Variants in PSTPIP2 observed in about 807,000 individuals in gnomAD.
PSTPIP2 encodes proline-serine-threonine phosphatase-interacting protein 2.
PSTPIP2 carries 33 observed loss-of-function variants against 63.3 expected under a neutral mutation model. The ratio of observed to expected loss-of-function variants is 0.52; its 90% CI spans 0.40 to 0.70. The LOEUF (loss-of-function observed/expected upper bound fraction) is 0.70, where lower values mean the gene tolerates loss of function less well. PSTPIP2 is among the 30% of genes least tolerant of loss of function. The pLI is 0.00. For missense variants in PSTPIP2, 312 were observed against 400.7 expected, an observed-to-expected ratio of 0.78 and a Z score of 1.89; for synonymous variants, 125 against 132.7, an observed-to-expected ratio of 0.94 and a Z score of 0.40.
At chr18:45,999,013 A>G (rs916602370) in intron 7 of PSTPIP2, among the ~76,000 whole-genome samples, 174 bp from the exon 8 acceptor site, 3 of 152,172 alleles carry the variant, frequency 2.0e-5, no homozygotes, top group African/African-American at 4.8e-5. Context: ...AATCTTATCA[A>G]TCTTGGAAAA....
At chr18:46,040,147 G>A (rs540497503) in intron 1 of PSTPIP2, 100 bp from the exon 2 acceptor site, 14 of 958,008 alleles carry the variant, frequency 1.5e-5, no homozygotes, top group Middle Eastern at 2.6e-4. Context: ...GCCACGGAAC[G>A]TTGCTGACTC....
intron 1 of PSTPIP2, among the ~76,000 whole-genome samples, chr18:46,068,800 A>T (rs1171488681): frequency 6.6e-6 from 1 of 152,176 alleles, no homozygotes; most frequent in Non-Finnish European, 1.5e-5. Context: ...ATACCAAGAG[A>T]TGACTGTATA....
intron 4 of PSTPIP2, among the ~76,000 whole-genome samples, chr18:46,012,738 A>C (rs1459273467): frequency 6.6e-6 from 1 of 152,242 alleles, no homozygotes; most frequent in African/African-American, 2.4e-5. Flanking sequence ...GTGCCACTGC[A>C]CTTCAGCCTG....
intron 13 of PSTPIP2, 107 bp from the exon 14 acceptor site, chr18:45,988,866 T>C: frequency 1.1e-6 from 1 of 910,080 alleles, no homozygotes; most frequent in Non-Finnish European, 1.8e-6. Flanking sequence ...GTGTCTATCC[T>C]TTTGTAAAGA....
At chr18:46,064,292 T>C (rs1172380587) in intron 1 of PSTPIP2, among the ~76,000 whole-genome samples, 18 of 120,502 alleles carry the variant, frequency 1.5e-4, no homozygotes, top group Non-Finnish European at 1.1e-4. Context: ...CTTTTTTTTT[T>C]TTTTTTTTTT....
intron 1 of PSTPIP2, among the ~76,000 whole-genome samples, chr18:46,062,700 A>T (rs1245781303): frequency 6.6e-6 from 1 of 152,018 alleles, no homozygotes; most frequent in Admixed American, 6.6e-5. Context: ...TACTTTTAGT[A>T]GAGACGGGGT....
chr18:46,005,597 T>A (rs768524312), intron 5 of PSTPIP2, 66 bp from the exon 6 acceptor site: 51 of 1,182,084 alleles, frequency 4.3e-5, no homozygotes, highest in Non-Finnish European at 3.1e-5. Flanking sequence ...CAGAAATCAT[T>A]ATCAATACCA....
chr18:46,056,032 T>C (rs907950771), intron 1 of PSTPIP2, among the ~76,000 whole-genome samples: 1 of 152,292 alleles, frequency 6.6e-6, no homozygotes, highest in Admixed American at 6.5e-5. Context: ...TAGGACAGCT[T>C]CTATAGGAGC....
chr18:45,992,328 T>G, intron 10 of PSTPIP2, 126 bp from the exon 11 acceptor site: 1 of 767,894 alleles, frequency 1.3e-6, no homozygotes, highest in Non-Finnish European at 2.2e-6. Flanking sequence ...TTTGGGAGGT[T>G]GGGGTGGGCG....
chr18:46,038,493 G>C (rs966190409), intron 2 of PSTPIP2, among the ~76,000 whole-genome samples: 36 of 152,152 alleles, frequency 2.4e-4, no homozygotes, highest in African/African-American at 8.2e-4. Context: ...AGCCATAACT[G>C]GGGGAGGAAC....
chr18:45,994,909 T>C (rs2051577785), intron 9 of PSTPIP2, among the ~76,000 whole-genome samples: 1 of 152,318 alleles, frequency 6.6e-6, no homozygotes, highest in Middle Eastern at 3.4e-3. Flanking sequence ...AATACCTATA[T>C]ACCAACTACC....
At chr18:46,025,458 A>G (rs936112007) in intron 2 of PSTPIP2, among the ~76,000 whole-genome samples, 1 of 152,194 alleles carries the variant, frequency 6.6e-6, no homozygotes, top group African/African-American at 2.4e-5. Flanking sequence ...TTAGCTTTCC[A>G]GTCCCTTTTC....
intron 4 of PSTPIP2, among the ~76,000 whole-genome samples, 189 bp downstream of exon 4, chr18:46,015,714 T>A (rs1004206760): frequency 4.6e-5 from 7 of 152,160 alleles, no homozygotes; most frequent in African/African-American, 1.7e-4. Flanking sequence ...CAAACACACA[T>A]CATGATGTGC....
intron 2 of PSTPIP2, chr18:46,028,418 G>T: frequency 3.7e-6 from 2 of 538,898 alleles, no homozygotes; most frequent in Non-Finnish European, 7.3e-6. Flanking sequence ...GAGGAGAGAC[G>T]GCTCCGGCAG....
chr18:46,066,643 A>T (rs1031077072), intron 1 of PSTPIP2, among the ~76,000 whole-genome samples: 1 of 152,148 alleles, frequency 6.6e-6, no homozygotes, highest in Admixed American at 6.5e-5. Flanking sequence ...CCCCTTCTTG[A>T]GTATAGGGCT....
rs569202491 is a variant in PSTPIP2, at chr18:46,043,628, T to C, written c.34-3581A>G. ...ACGATGTCTGCTCTCACTACTTCTATTCAACACACTGAATGTCCTAGCCAG... is the reference window on the plus strand; with the variant it reads ...ACGATGTCTGCTCTCACTACTTCTACTCAACACACTGAATGTCCTAGCCAG... On this transcript the variant is annotated intron_variant, in intron 1 of 14. Coordinates refer to ENST00000409746, the MANE Select transcript of PSTPIP2 (RefSeq NM_024430.4). 3.3e-5 allele frequency among the ~76,000 whole-genome samples: 5 copies of C among 152,282 alleles called. No individual in the cohort carries two copies. The South Asian group carries it at 8.3e-4, about 25-fold the overall frequency.
intron 5 of PSTPIP2, among the ~76,000 whole-genome samples, chr18:46,008,051 G>A (rs1006184157): frequency 2.6e-5 from 4 of 152,202 alleles, no homozygotes; most frequent in African/African-American, 9.6e-5. Flanking sequence ...TGCCCTTTCA[G>A]AGCTCCTCAG....
At chr18:46,041,171 C>T in intron 1 of PSTPIP2, 1 of 414,238 alleles carries the variant, frequency 2.4e-6, no homozygotes, top group African/African-American at 2.1e-5. Flanking sequence ...GCTGTCTGTC[C>T]ACTGGGAAGC....
chr18:45,992,246 CA>C, intron 10 of PSTPIP2, 44 bp from the exon 11 acceptor site: 1 of 1,458,440 alleles, frequency 6.9e-7, no homozygotes, highest in Non-Finnish European at 9.4e-7. Flanking sequence ...ATGTTGAGAT[CA>C]TTGTGACACA....
Sources: gnomAD v4.1 joint callset for allele counts (sites outside exome capture counted in the v4.1 genomes callset) on GRCh38, gnomAD v4.1.1 for gene constraint, MANE v1.5 for transcripts, NCBI Gene and HGNC (gene_info 2026-07-23, HGNC 2026-07-21) for gene names.